The following APBB1IP variants were observed in gnomAD, a reference collection of about 807,000 sequenced individuals.
The protein encoded by APBB1IP is amyloid beta A4 precursor protein-binding family B member 1-interacting protein.
Under a neutral mutation model 64.9 loss-of-function variants are expected in APBB1IP, and 27 were observed. That is an observed-to-expected ratio of 0.42 (90% CI 0.31 to 0.57). The LOEUF is 0.57. APBB1IP is among the 20% of genes least tolerant of loss of function. The probability of loss-of-function intolerance (pLI) is 0.20; values close to 1 mark genes in which losing one functional copy is unlikely to be tolerated. For synonymous variants in APBB1IP, 392 were observed against 331.0 expected (o/e 1.18, Z -2.00); for missense variants, 812 against 845.5 (o/e 0.96, Z 0.49).
intron 8 of APBB1IP, among the ~76,000 whole-genome samples, chr10:26,515,124 G>A (rs12570946): frequency 0.28 from 41,423 of 149,816 alleles, 6,333 homozygotes; most frequent in Admixed American, 0.46. Flanking sequence ...CTCGTGATCC[G>A]CCCGCCTTGG....
intron 14 of APBB1IP, 78 bp downstream of exon 14, chr10:26,562,507 AAG>A (rs1836986672): frequency 7.9e-7 from 1 of 1,263,956 alleles, no homozygotes; most frequent in Non-Finnish European, 1.1e-6. Flanking sequence ...CTCTTTTAAA[AAG>A]AGAAAATAAG....
rs527800858 is a variant in APBB1IP at position 26,523,376 on chromosome 10, C to T, written c.813+9716C>T. ...AAGCAAAGAATTAGAATCCACATGACTTCCAAAAGGATTTGTGATGAGTCT... is the reference window on the plus strand; with the variant it reads ...AAGCAAAGAATTAGAATCCACATGATTTCCAAAAGGATTTGTGATGAGTCT... On this transcript the variant is annotated intron_variant, in intron 8 of 14. Transcript: ENST00000376236. Among the ~76,000 whole-genome samples the T allele has an allele frequency of 1.9e-4, 29 of 152,312 alleles. No individual in the cohort carries two copies. The South Asian group carries it at 5.8e-3, about 30-fold the overall frequency.
intron 9 of APBB1IP, among the ~76,000 whole-genome samples, chr10:26,534,995 G>A (rs943615061): frequency 6.6e-6 from 1 of 152,120 alleles, no homozygotes; most frequent in Non-Finnish European, 1.5e-5. Flanking sequence ...GTACTTGGAG[G>A]ATGCAAAATC....
intron 2 of APBB1IP, among the ~76,000 whole-genome samples, chr10:26,468,225 A>G (rs1441710547): frequency 6.6e-6 from 1 of 152,200 alleles, no homozygotes; most frequent in Non-Finnish European, 1.5e-5. Flanking sequence ...ATCCCAAGAG[A>G]AATAATAGTC....
chr10:26,451,305 T>A (rs1835463046), intron 2 of APBB1IP, among the ~76,000 whole-genome samples: 1 of 152,182 alleles, frequency 6.6e-6, no homozygotes, highest in Admixed American at 6.5e-5. Flanking sequence ...CCCAGGCTGG[T>A]CTCAAATTCC....
At chr10:26,511,610 G>A (rs1426420113) in intron 6 of APBB1IP, 137 bp from the exon 7 acceptor site, 11 of 985,764 alleles carry the variant, frequency 1.1e-5, no homozygotes, top group Non-Finnish European at 1.5e-5. Flanking sequence ...TGGCATGCAA[G>A]TTAGTTTAGA....
intron 2 of APBB1IP, among the ~76,000 whole-genome samples, chr10:26,454,623 C>T (rs1239079966): frequency 6.6e-6 from 1 of 151,876 alleles, no homozygotes; most frequent in Non-Finnish European, 1.5e-5. Flanking sequence ...CCAAAAAAAC[C>T]AGAAAGAATG....
In APBB1IP at chr10:26,495,518, C is replaced by A. The variant is rs796969277; in HGVS notation, c.73-786C>A. The stretch of plus-strand genomic sequence containing the variant: ...GCATGATGGCTCACACCTGTAATCC[C>A]AGCACTTTAGGAGGCCAAGACAGGA... On this transcript the variant is annotated intron_variant, in intron 3 of 14. Transcript: ENST00000376236. 1.4e-4 allele frequency among the ~76,000 whole-genome samples: 21 copies of A among 151,438 alleles called. 1 individual carries two copies. Among genetic ancestry groups the A allele is most frequent in the African/African-American group, 5.1e-4 (21 of 41,218 alleles).
At chr10:26,563,909 A>G (rs1259093535) in intron 14 of APBB1IP, among the ~76,000 whole-genome samples, 3 of 152,016 alleles carry the variant, frequency 2.0e-5, no homozygotes, top group Non-Finnish European at 2.9e-5. Flanking sequence ...TATTATTTTC[A>G]TTATTTCTAA....
At chr10:26,461,260 C>T (rs1835588830) in intron 2 of APBB1IP, among the ~76,000 whole-genome samples, 1 of 152,036 alleles carries the variant, frequency 6.6e-6, no homozygotes, top group Non-Finnish European at 1.5e-5. Context: ...TGCTTTTATG[C>T]ATAGATTCAT....
rs1554778195 is a variant in APBB1IP at position 26,524,974 on chromosome 10, T to TTTTTTTTA, written c.814-8465_814-8464insTTTTTTTA. On this transcript the variant is annotated intron_variant, in intron 8 of 14. Coordinates refer to ENST00000376236, the MANE Select transcript of APBB1IP (RefSeq NM_019043.4). ...TTCTTTCTTTTTTTTTTTTTTTTTT[T>TTTTTTTTA]ATAAAAAAAGGAATCCTGGCAAGAG... Among the ~76,000 whole-genome samples, 48 of 126,714 alleles carry TTTTTTTTA rather than the reference T, an allele frequency of 3.8e-4. 4 individuals carry two copies. The highest frequency in any genetic ancestry group is 5.8e-4 in the Non-Finnish European group (34 of 58,134). The allele number at this position is 126,714 out of a possible 152,430, so 83.1% of individuals were successfully genotyped here.
At chr10:26,496,183 C>T (rs1265077385) in intron 3 of APBB1IP, 121 bp from the exon 4 acceptor site, 2 of 633,250 alleles carry the variant, frequency 3.2e-6, no homozygotes, top group African/African-American at 3.7e-5. Flanking sequence ...ATATGGTTTT[C>T]AGAGAACACA....
At chr10:26,445,552 G>GCCACGTAA (rs1245009432) in intron 2 of APBB1IP, among the ~76,000 whole-genome samples, 1 of 152,196 alleles carries the variant, frequency 6.6e-6, no homozygotes, top group African/African-American at 2.4e-5. Flanking sequence ...ACTATGCCTG[G>GCCACGTAA]CCACGTAAAT....
intron 3 of APBB1IP, among the ~76,000 whole-genome samples, chr10:26,494,476 T>TA (rs530423571): frequency 3.9e-5 from 6 of 152,174 alleles, no homozygotes; most frequent in East Asian, 1.9e-4. Context: ...AAAAGCTTTC[T>TA]AAAAAAAATA....
At chr10:26,549,608 T>A (rs1836806271) in intron 11 of APBB1IP, among the ~76,000 whole-genome samples, 1 of 152,026 alleles carries the variant, frequency 6.6e-6, no homozygotes, top group South Asian at 2.1e-4. Context: ...AGTGTGTAAT[T>A]ATTTATAGTA....
chr10:26,530,991 CAAAT>C (rs778251506), intron 8 of APBB1IP, among the ~76,000 whole-genome samples: 21 of 152,084 alleles, frequency 1.4e-4, no homozygotes, highest in Non-Finnish European at 2.2e-4. Context: ...TTTCAAATAA[CAAAT>C]AAAAGTTTAA....
intron 2 of APBB1IP, among the ~76,000 whole-genome samples, chr10:26,448,740 T>G (rs1288541284): frequency 3.9e-5 from 6 of 152,190 alleles, no homozygotes; most frequent in Non-Finnish European, 8.8e-5. Flanking sequence ...GCTTTCCTTT[T>G]TATCCTCTTT....
intron 7 of APBB1IP, among the ~76,000 whole-genome samples, chr10:26,512,850 A>AT (rs1210857377): frequency 6.6e-6 from 1 of 151,826 alleles, no homozygotes; most frequent in Non-Finnish European, 1.5e-5. Context: ...TTTGGGAGCA[A>AT]TTTTTTTTCT....
intron 2 of APBB1IP, among the ~76,000 whole-genome samples, chr10:26,486,155 GA>G (rs1382748723): frequency 6.6e-6 from 1 of 152,196 alleles, no homozygotes; most frequent in Non-Finnish European, 1.5e-5. Context: ...GACTTTGAAA[GA>G]CACGCTGAGT....
Sources: allele counts gnomAD v4.1 joint callset (sites outside exome capture counted in the v4.1 genomes callset), GRCh38; gene constraint gnomAD v4.1.1; transcripts MANE v1.5; gene names NCBI Gene and HGNC (gene_info 2026-07-23, HGNC 2026-07-21).